FRMD4A: variants seen among roughly 807,000 people sequenced by gnomAD.
The protein encoded by FRMD4A is FERM domain-containing protein 4A.
In FRMD4A, 29 loss-of-function variants were observed where a neutral mutation model predicts 129.1. The ratio of observed to expected loss-of-function variants is 0.22; its 90% CI spans 0.17 to 0.31. FRMD4A has a LOEUF of 0.31. FRMD4A is among the 10% of genes least tolerant of loss of function. FRMD4A has a pLI of 1.00. For missense variants in FRMD4A, 1,272 were observed against 1,375.8 expected, an observed-to-expected ratio of 0.92 and a Z score of 1.19; for synonymous variants, 634 against 571.6, an observed-to-expected ratio of 1.11 and a Z score of -1.56.
chr10:14,186,031 G>A (rs1423197979), intron 2 of FRMD4A, among the ~76,000 whole-genome samples: 1 of 152,126 alleles, frequency 6.6e-6, no homozygotes, highest in Non-Finnish European at 1.5e-5. Flanking sequence ...GTGGGCAGAA[G>A]TGCGGGCTGG....
intron 2 of FRMD4A, among the ~76,000 whole-genome samples, chr10:13,864,737 G>A (rs1365540850): frequency 2.6e-5 from 4 of 151,626 alleles, no homozygotes; most frequent in Admixed American, 6.6e-5. Context: ...CACCATGCCA[G>A]GCTAATTTTT....
At chr10:13,871,450 A>G (rs2094438437) in intron 2 of FRMD4A, among the ~76,000 whole-genome samples, 1 of 152,192 alleles carries the variant, frequency 6.6e-6, no homozygotes. Context: ...TAGTAACCCA[A>G]AGAAGTGAAG....
intron 15 of FRMD4A, chr10:13,684,376 C>G: frequency 3.0e-6 from 3 of 985,042 alleles, no homozygotes; most frequent in Non-Finnish European, 3.6e-6. Context: ...GTGAACTTCC[C>G]GATGCTATGA....
At position 13,666,093 on chromosome 10, in the gene FRMD4A, T is replaced by C. The variant is rs2083014617; in HGVS notation, c.1603+4A>G. The C allele has an allele frequency of 6.3e-7, 1 of 1,585,240 alleles. No individual in the cohort carries two copies. Among genetic ancestry groups the C allele is most frequent in the Non-Finnish European group, 8.7e-7 (1 of 1,153,774 alleles). On this transcript the variant is annotated splice_donor_region_variant and intron_variant, in intron 18 of 24. Transcript: ENST00000357447. ...GGGGTGGGGGCAGCCCGGTTGGCACTGACCGTCTATGATCAGCGAAGCCCT... is the reference window on the plus strand; with the variant it reads ...GGGGTGGGGGCAGCCCGGTTGGCACCGACCGTCTATGATCAGCGAAGCCCT...
At chr10:14,147,183 G>A (rs1840114827) in intron 2 of FRMD4A, among the ~76,000 whole-genome samples, 3 of 152,286 alleles carry the variant, frequency 2.0e-5, no homozygotes, top group South Asian at 4.1e-4. Flanking sequence ...GCAGTAGAAG[G>A]AAAGCTGATG....
intron 12 of FRMD4A, among the ~76,000 whole-genome samples, chr10:13,730,562 T>C (rs148164691): frequency 1.3e-5 from 2 of 152,138 alleles, no homozygotes; most frequent in African/African-American, 4.8e-5. Flanking sequence ...AATGCCAACC[T>C]GACACTGTCT....
At chr10:14,049,840 G>A (rs552335438) in intron 2 of FRMD4A, among the ~76,000 whole-genome samples, 13 of 152,328 alleles carry the variant, frequency 8.5e-5, no homozygotes, top group Non-Finnish European at 8.8e-5. Flanking sequence ...GGGCAACAGA[G>A]TGAGACTCCA....
In FRMD4A at chr10:14,194,084, G is replaced by A. The variant is rs546947046; in HGVS notation, c.45+135974C>T. On this transcript the variant is annotated intron_variant, in intron 2 of 24. Coordinates refer to ENST00000357447, the MANE Select transcript of FRMD4A (RefSeq NM_018027.5). ...CAAACCTGCAAATGAAGACCCCAGG[G>A]GGTTTCCTCTGTGATTTTAATTCTC... 3.3e-5 allele frequency among the ~76,000 whole-genome samples: 5 copies of A among 152,248 alleles called. No individual in the cohort carries two copies. In the East Asian group the frequency reaches 7.7e-4, roughly 23 times the overall value.
chr10:13,707,800 CAG>C (rs1442676687), intron 12 of FRMD4A: 30 of 985,276 alleles, frequency 3.0e-5, no homozygotes, highest in Non-Finnish European at 3.5e-5. Flanking sequence ...ACGCTGCGGC[CAG>C]AGTCTCTCCC....
intron 24 of FRMD4A, among the ~76,000 whole-genome samples, chr10:13,650,318 G>A (rs1039475492): frequency 4.6e-5 from 7 of 152,144 alleles, no homozygotes; most frequent in Admixed American, 3.9e-4. Context: ...AGGGGATGAG[G>A]CCCTCTAGAG....
chr10:13,733,421 A>T (rs1012270109), intron 12 of FRMD4A, among the ~76,000 whole-genome samples: 2 of 151,068 alleles, frequency 1.3e-5, no homozygotes, highest in East Asian at 3.9e-4. Flanking sequence ...GCTTTCCCTC[A>T]AGGGCTTTTC....
At chr10:13,678,810 G>T (rs150563605) in intron 15 of FRMD4A, among the ~76,000 whole-genome samples, 90 of 152,176 alleles carry the variant, frequency 5.9e-4, no homozygotes, top group African/African-American at 2.1e-3. Flanking sequence ...CATAATATGG[G>T]GTGCACATTG....
At chr10:13,948,198 A>T (rs921595190) in intron 2 of FRMD4A, among the ~76,000 whole-genome samples, 7 of 152,054 alleles carry the variant, frequency 4.6e-5, no homozygotes, top group African/African-American at 1.2e-4. Context: ...ATATATATAT[A>T]TTTTTAAGAT....
At chr10:14,229,748 C>T (rs1204490732) in intron 2 of FRMD4A, among the ~76,000 whole-genome samples, 2 of 152,176 alleles carry the variant, frequency 1.3e-5, no homozygotes, top group Non-Finnish European at 2.9e-5. Context: ...AACCCACACA[C>T]ACATTTTTAT....
At chr10:14,163,782 G>C (rs899412516) in intron 2 of FRMD4A, among the ~76,000 whole-genome samples, 8 of 152,182 alleles carry the variant, frequency 5.3e-5, no homozygotes, top group Non-Finnish European at 1.0e-4. Flanking sequence ...CTACATGTTT[G>C]AGACATCAGA....
chr10:14,203,012 G>A (rs1842684360), intron 2 of FRMD4A, among the ~76,000 whole-genome samples: 1 of 151,550 alleles, frequency 6.6e-6, no homozygotes, highest in Non-Finnish European at 1.5e-5. Context: ...GGTTCAAATG[G>A]TCCACCTACC....
chr10:14,277,853 T>C (rs911189143), intron 2 of FRMD4A, among the ~76,000 whole-genome samples: 2 of 152,234 alleles, frequency 1.3e-5, no homozygotes, highest in African/African-American at 4.8e-5. Flanking sequence ...ATTCTCTGAC[T>C]TCTCAAGGTC....
chr10:13,804,692 C>A (rs1199918940), intron 4 of FRMD4A, among the ~76,000 whole-genome samples: 1 of 149,778 alleles, frequency 6.7e-6, no homozygotes, highest in Non-Finnish European at 1.5e-5. Flanking sequence ...TTACAGGTGG[C>A]TGCCACCACA....
chr10:14,210,300 C>T (rs1406442904), intron 2 of FRMD4A, among the ~76,000 whole-genome samples: 1 of 152,118 alleles, frequency 6.6e-6, no homozygotes, highest in Middle Eastern at 3.2e-3. Context: ...CATCTATGAA[C>T]CAGAAAGTGA....
Sources: gnomAD v4.1 joint callset for allele counts (sites outside exome capture counted in the v4.1 genomes callset) on GRCh38, gnomAD v4.1.1 for gene constraint, MANE v1.5 for transcripts, NCBI Gene and HGNC (gene_info 2026-07-23, HGNC 2026-07-21) for gene names.